The following FAM136A variants were observed in gnomAD, a reference collection of about 807,000 sequenced individuals.
FAM136A encodes TIM double twin CX3C motif protein.
In FAM136A, 25 loss-of-function variants were observed where a neutral mutation model predicts 21.6. The observed-to-expected ratio is 1.16, with a 90% CI of 0.84 to 1.62. The LOEUF (loss-of-function observed/expected upper bound fraction) is 1.62. FAM136A is among the 40% of genes most tolerant of loss of function. The pLI is 0.00. For synonymous variants in FAM136A, 119 were observed against 129.4 expected (o/e 0.92, Z 0.55); for missense variants, 338 against 332.0 (o/e 1.02, Z -0.14).
intron 2 of FAM136A, among the ~76,000 whole-genome samples, chr2:70,298,096 CT>C (rs111506822): frequency 4.1e-3 from 594 of 144,084 alleles, no homozygotes; most frequent in Middle Eastern, 7.1e-3. Context: ...CATCTTGATT[CT>C]TTTTTTTTTT....
At chr2:70,301,501 C>T in intron 1 of FAM136A, 103 bp downstream of exon 1, 1 of 1,535,772 alleles carries the variant, frequency 6.5e-7, no homozygotes, top group Non-Finnish European at 8.7e-7. Flanking sequence ...CGAGGTTGGG[C>T]GCAAGAGAAG....
At chr2:70,297,521 C>T (rs1196759538) in intron 2 of FAM136A, 44 bp from the exon 3 acceptor site, 1 of 1,425,670 alleles carries the variant, frequency 7.0e-7, no homozygotes, top group Admixed American at 2.0e-5. Flanking sequence ...AGAGTAAGGC[C>T]TCCATTTACT....
rs1057146501 is a variant in FAM136A at position 70,301,947 on chromosome 2, C to A, written c.65G>T (p.Arg22Ile). 2 of 1,609,196 alleles carry A rather than the reference C, an allele frequency of 1.2e-6. No homozygotes were observed. The highest frequency in any genetic ancestry group is 1.3e-5 in the African/African-American group (1 of 74,894). The stretch of plus-strand genomic sequence containing the variant: ...TACCTGCATCTTCCGGATGTTCTCT[C>A]TTTCCAGACTCTTCACCATGGACTC... Reference protein sequence around the residue: ...AVESMVKSLERENIRKMQVAG... With the variant: ...AVESMVKSLEIENIRKMQVAG... The change falls in exon 1 of 3, where the codon AGA becomes ATA. Residue 22 changes from arginine to isoleucine, a missense_variant. Coordinates refer to ENST00000430566, the MANE Select transcript of FAM136A (RefSeq NM_001329752.2).
intron 1 of FAM136A, chr2:70,301,288 G>A: frequency 7.6e-7 from 1 of 1,308,098 alleles, no homozygotes; most frequent in Non-Finnish European, 1.0e-6. Context: ...GCCAAATTCT[G>A]AAAACCAGGA....
In FAM136A at chr2:70,297,241, A is replaced by C. The variant is rs762289428; in HGVS notation, c.*48T>G. ...AAGACTAAAATTCCCAATTCCTTAT[A>C]AAAAATATATTCTTGCCCTCAGCCC... On this transcript the variant is annotated 3_prime_UTR_variant, in exon 3 of 3. Transcript: ENST00000430566. 3 of 1,556,976 alleles carry C rather than the reference A, an allele frequency of 1.9e-6. No homozygotes were observed. In the Admixed American group the frequency reaches 6.0e-5, roughly 31 times the overall value.
At chr2:70,299,662 G>A (rs1256436825) in intron 2 of FAM136A, among the ~76,000 whole-genome samples, 3 of 152,078 alleles carry the variant, frequency 2.0e-5, no homozygotes, top group Admixed American at 6.6e-5. Flanking sequence ...GTGCAGTGAC[G>A]TGATCTTGGC....
Position 70,301,721 on chromosome 2 carries a change from C to A in FAM136A, c.291G>T (p.Ala97=). 6.5e-7 allele frequency: 1 copy of A among 1,536,836 alleles called. No individual in the cohort carries two copies. The highest frequency in any genetic ancestry group is 2.0e-5 in the Admixed American group (1 of 50,964). The change falls in exon 1 of 3, where the codon GCG becomes GCT. Residue 97 remains alanine (A), a synonymous_variant. Transcript: ENST00000430566. The stretch of plus-strand genomic sequence containing the variant: ...GGCTGGAAGGGGCGGAAAACAGCCT[C>A]GCGCACGGCAAGGGCACACGGATTT... ...SDEIRVPLPC[A]RLFSAPSSPG...
chr2:70,301,805 C>G lies in FAM136A; in HGVS notation c.207G>C (p.Arg69=). Residue 69 remains arginine (R), a synonymous_variant, in exon 1 of 3, where the codon CGG becomes CGC. Coordinates refer to ENST00000430566, the MANE Select transcript of FAM136A (RefSeq NM_001329752.2). ...AAASPQTGCG[R]PWGRRGGLGQ... ...CGAGGCCGCCCCGGCGACCCCAGGG[C>G]CGCCCACACCCGGTCTGCGGGGACG... The G allele has an allele frequency of 6.5e-7, 1 of 1,547,664 alleles. No homozygotes were observed.
At chr2:70,301,208 C>T in intron 1 of FAM136A, 1 of 776,594 alleles carries the variant, frequency 1.3e-6, no homozygotes, top group South Asian at 1.9e-5. Flanking sequence ...AGCTCATCGG[C>T]ACCTGTTGCA....
chr2:70,300,748 A>T, intron 2 of FAM136A, 92 bp downstream of exon 2: 5 of 1,418,346 alleles, frequency 3.5e-6, no homozygotes, highest in Non-Finnish European at 4.7e-6. Flanking sequence ...CAGAACCAAG[A>T]CACTAAAGCC....
intron 1 of FAM136A, chr2:70,301,229 G>T: frequency 1.2e-6 from 1 of 846,118 alleles, no homozygotes; most frequent in Non-Finnish European, 1.8e-6. Flanking sequence ...CCGATGGTTG[G>T]GTGAACAGAG....
chr2:70,301,710 G>C lies in FAM136A; in HGVS notation c.302C>G (p.Ser101Cys). The change falls in exon 1 of 3, where the codon TCC becomes TGC. Residue 101 changes from serine (S) to cysteine (C), a missense_variant. Physicochemically the swap from Ser to Cys is moderately radical, Grantham distance 112. Coordinates refer to ENST00000430566, the MANE Select transcript of FAM136A (RefSeq NM_001329752.2). ...RVPLPCARLF[S>C]APSSPGQERP... ...CTCCTGCCCCGGGCTGGAAGGGGCGGAAAACAGCCTCGCGCACGGCAAGGG... is the reference window on the plus strand; with the variant it reads ...CTCCTGCCCCGGGCTGGAAGGGGCGCAAAACAGCCTCGCGCACGGCAAGGG... The C allele has an allele frequency of 4.6e-6, 7 of 1,536,166 alleles. No homozygotes were observed. Among genetic ancestry groups the C allele is most frequent in the South Asian group, 1.2e-5 (1 of 84,016 alleles).
intron 2 of FAM136A, among the ~76,000 whole-genome samples, chr2:70,297,805 T>C (rs1460677350): frequency 6.6e-6 from 1 of 151,644 alleles, no homozygotes; most frequent in Non-Finnish European, 1.5e-5. Flanking sequence ...GCTAATACTT[T>C]CTTAAAAATT....
At chr2:70,300,657 TA>T in intron 2 of FAM136A, 182 bp downstream of exon 2, 1 of 625,398 alleles carries the variant, frequency 1.6e-6, no homozygotes, top group Non-Finnish European at 2.8e-6. Context: ...ATGTTCAACT[TA>T]AGGCACTCGA....
chr2:70,300,944 C>T lies in FAM136A; in HGVS notation c.445G>A (p.Asp149Asn), dbSNP rs1223229964. ...MFRCSASCCE[D>N]SQASMKQVHQ... ...ACCTGCTTCATGGAGGCCTGGCTGT[C>T]CTCACAACAGCTGGCGCTGCACCGG... The change falls in exon 2 of 3, where the codon GAC becomes AAC. Residue 149 changes from aspartate to asparagine, a missense_variant. Transcript: ENST00000430566. 1 of 1,613,296 alleles carries T rather than the reference C, an allele frequency of 6.2e-7. No homozygotes were observed. The highest frequency in any genetic ancestry group is 2.2e-5 in the East Asian group (1 of 44,836).
intron 1 of FAM136A, 108 bp downstream of exon 1, chr2:70,301,496 T>C (rs1486263498): frequency 2.6e-6 from 4 of 1,535,292 alleles, no homozygotes; most frequent in East Asian, 4.9e-5. Context: ...TGAAGCGAGG[T>C]TGGGCGCAAG....
At chr2:70,301,074 T>A (rs1697384365) in intron 1 of FAM136A, 94 bp from the exon 2 acceptor site, 1 of 1,400,030 alleles carries the variant, frequency 7.1e-7, no homozygotes, top group Admixed American at 2.2e-5. Flanking sequence ...ACGTGGATAT[T>A]TGCACCTCTC....
At position 70,301,061 on chromosome 2, in the gene FAM136A, G is replaced by T. The variant is rs945939605; in HGVS notation, c.409-81C>A. ...TATGGAGCACTACAGGAGTTAGAAG[G>T]CCACGTGGATATTTGCACCTCTCTC... On this transcript the variant is annotated intron_variant, in intron 1 of 2. Transcript: ENST00000430566. 1.0e-5 allele frequency: 15 copies of T among 1,472,304 alleles called. 1 individual carries two copies. In the African/African-American group the frequency reaches 1.8e-4, roughly 18 times the overall value. The allele number at this position is 1,472,304 out of a possible 1,614,324, so 91.2% of individuals were successfully genotyped here. A position where few individuals can be genotyped will look rare whatever the true frequency, so the allele number is the denominator to read the frequency against.
At position 70,301,898 on chromosome 2, in the gene FAM136A, G is replaced by T; in HGVS notation, c.114C>A (p.Asp38Glu). ...CCGGAACCCACCCGCTGAGAAGGGG[G>T]TCCTGGTTCGGCCCCAGCCCCGCTA... ...MQVAGLGPNQ[D>E]PLLSGWVPGP... The change falls in exon 1 of 3, where the codon GAC becomes GAA. Residue 38 changes from aspartate (D) to glutamate (E), a missense_variant. Asp to Glu is a conservative substitution (Grantham distance 45). Transcript: ENST00000430566. The T allele has an allele frequency of 6.3e-7, 1 of 1,593,912 alleles. No individual in the cohort carries two copies. Among genetic ancestry groups the T allele is most frequent in the South Asian group, 1.1e-5 (1 of 87,962 alleles).
Sources: allele counts gnomAD v4.1 joint callset (sites outside exome capture counted in the v4.1 genomes callset), GRCh38; gene constraint gnomAD v4.1.1; transcripts MANE v1.5; gene names NCBI Gene and HGNC (gene_info 2026-07-23, HGNC 2026-07-21).